PAX2: variants seen among roughly 807,000 people sequenced by gnomAD.
PAX2 encodes paired box protein Pax-2.
In PAX2, 9 loss-of-function variants were observed where a neutral mutation model predicts 41.7. That is an observed-to-expected ratio of 0.22 (90% CI 0.13 to 0.38). The LOEUF (loss-of-function observed/expected upper bound fraction) is 0.38. Ranked by LOEUF, PAX2 falls within the 10% of genes least tolerant of loss-of-function variation. The pLI, the probability that PAX2 is intolerant of heterozygous loss-of-function variation, is 1.00. For synonymous variants in PAX2, 221 were observed against 212.7 expected, an observed-to-expected ratio of 1.04 and a Z score of -0.34; for missense variants, 418 against 531.6, an observed-to-expected ratio of 0.79 and a Z score of 2.10.
At position 100,745,701 on chromosome 10, in the gene PAX2, T is replaced by G; in HGVS notation, c.-560T>G. On this transcript the variant is annotated 5_prime_UTR_variant, in exon 1 of 10. Transcript: ENST00000355243. ...CGGCCGCGGCGGCGTGCGCCTGCCT[T>G]TTCCGGGGGCGGGGGCCTGGCCCGC... The G allele has an allele frequency of 2.1e-6, 2 of 963,096 alleles. No homozygotes were observed. The highest frequency in any genetic ancestry group is 2.5e-6 in the Non-Finnish European group (2 of 799,310). 59.7% of individuals were successfully genotyped at this position (963,096 alleles called of 1,614,324 possible). A position where few individuals can be genotyped will look rare whatever the true frequency, so the allele number is the denominator to read the frequency against.
At position 100,824,687 on chromosome 10, in the gene PAX2, C is replaced by A. The variant is rs747966683; in HGVS notation, c.959C>A (p.Pro320His). Reference protein sequence around the residue: ...MASTTLPGYPPHVPPTGQGSY... With the variant: ...MASTTLPGYPHHVPPTGQGSY... Reference sequence around the variant, plus strand: ...AGCACCACTCTGCCTGGTTACCCCCCTCACGTGCCCCCCACTGGCCAGGGA... The same window carrying A: ...AGCACCACTCTGCCTGGTTACCCCCATCACGTGCCCCCCACTGGCCAGGGA... The change falls in exon 8 of 10, where the codon CCT (proline) becomes CAT (histidine). Residue 320 changes from proline to histidine, a missense_variant. Physicochemically the swap from Pro to His is moderately conservative, Grantham distance 77. Around this residue, in one of 2 missense-constraint regions of PAX2, gnomAD observed 310 missense variants for 325.2 expected, o/e 0.95. Coordinates refer to ENST00000355243, the MANE Select transcript of PAX2 (RefSeq NM_000278.5). This position sits in a 1 kb window ranked among gnomAD's most constrained non-coding sequence, Gnocchi z 6.6. 15 of 1,611,330 alleles carry A rather than the reference C, an allele frequency of 9.3e-6. No individual in the cohort carries two copies. Among genetic ancestry groups the A allele is most frequent in the South Asian group, 2.2e-5 (2 of 91,022 alleles).
At position 100,750,003 on chromosome 10, in the gene PAX2, C is replaced by A; in HGVS notation, c.212+89C>A. The A allele has an allele frequency of 6.8e-7, 1 of 1,464,404 alleles. No homozygotes were observed. Among genetic ancestry groups the A allele is most frequent in the Non-Finnish European group, 9.3e-7 (1 of 1,075,618 alleles). 90.7% of individuals were successfully genotyped at this position (1,464,404 alleles called of 1,614,324 possible). A position where few individuals can be genotyped will look rare whatever the true frequency, so the allele number is the denominator to read the frequency against. On this transcript the variant is annotated intron_variant, in intron 2 of 9. Transcript: ENST00000355243. This position sits in a 1 kb window ranked among gnomAD's most constrained non-coding sequence, Gnocchi z 4.1. ...CAGCTGGAGGACGTGGCTAAAAGTC[C>A]AGCGTGCCAAGCCAGAGAGGGAGAT...
chr10:100,768,663 A>C (rs1016541152), intron 3 of PAX2, among the ~76,000 whole-genome samples: 38 of 152,312 alleles, frequency 2.5e-4, no homozygotes, highest in African/African-American at 8.9e-4. Flanking sequence ...GTTAATAAAT[A>C]AATATATATA....
chr10:100,787,424 TA>T (rs1650271305), intron 5 of PAX2, among the ~76,000 whole-genome samples: 1 of 152,262 alleles, frequency 6.6e-6, no homozygotes, highest in East Asian at 1.9e-4. Flanking sequence ...ATTTTGAAGG[TA>T]ATTTTCTGGA....
At chr10:100,743,379 T>A (rs1845035536), upstream of PAX2, among the ~76,000 whole-genome samples, 1 of 152,126 alleles carries the variant, frequency 6.6e-6, no homozygotes, top group Non-Finnish European at 1.5e-5. Context: ...ACTTGTAACA[T>A]AGGGACATGT....
chr10:100,766,685 C>T (rs1374458271), intron 3 of PAX2, among the ~76,000 whole-genome samples: 1 of 152,148 alleles, frequency 6.6e-6, no homozygotes, highest in African/African-American at 2.4e-5. Context: ...ATTTGTCCTG[C>T]ATCTCTAGAA....
intron 1 of PAX2, among the ~76,000 whole-genome samples, chr10:100,738,396 G>A (rs1844844003): frequency 6.6e-6 from 1 of 152,172 alleles, no homozygotes; most frequent in African/African-American, 2.4e-5. Context: ...GAGGGAGGGG[G>A]AGGTGCTGGA....
chr10:100,749,693 G>A, intron 1 of PAX2, 53 bp from the exon 2 acceptor site: 1 of 1,576,428 alleles, frequency 6.3e-7, no homozygotes, highest in Non-Finnish European at 8.6e-7. Context: ...CCTGACTAAT[G>A]GCCGGTCCCT....
intron 5 of PAX2, among the ~76,000 whole-genome samples, chr10:100,802,758 T>G (rs77564277): frequency 6.6e-6 from 1 of 152,166 alleles, no homozygotes; most frequent in South Asian, 2.1e-4. Context: ...AAAGGGGCTG[T>G]TGGATAGGGG....
chr10:100,772,345 G>T (rs1463775819), intron 3 of PAX2, among the ~76,000 whole-genome samples: 2 of 151,972 alleles, frequency 1.3e-5, no homozygotes, highest in African/African-American at 4.8e-5. Flanking sequence ...GTAGAGATGG[G>T]TTTTCACCAT....
chr10:100,790,210 A>G (rs1847050419), intron 5 of PAX2, among the ~76,000 whole-genome samples: 1 of 152,170 alleles, frequency 6.6e-6, no homozygotes, highest in Admixed American at 6.5e-5. Flanking sequence ...TAGAGAGGTC[A>G]ATTCCACCCT....
upstream of PAX2, among the ~76,000 whole-genome samples, chr10:100,743,497 A>G (rs1465501878): frequency 6.6e-6 from 1 of 152,086 alleles, no homozygotes; most frequent in Non-Finnish European, 1.5e-5. Context: ...TGGATGACCA[A>G]CTTGGAGAGA....
At chr10:100,784,877 C>G (rs190725243) in intron 5 of PAX2, among the ~76,000 whole-genome samples, 1 of 152,284 alleles carries the variant, frequency 6.6e-6, no homozygotes, top group African/African-American at 2.4e-5. Context: ...ATGGAAAACA[C>G]CCCCTGACTT....
At chr10:100,760,963 A>T (rs929708508) in intron 3 of PAX2, among the ~76,000 whole-genome samples, 2 of 152,190 alleles carry the variant, frequency 1.3e-5, no homozygotes, top group Non-Finnish European at 2.9e-5. Context: ...TGGGAGAGCC[A>T]GAGAGAAGGA....
chr10:100,768,806 A>G (rs2133872890), intron 3 of PAX2, among the ~76,000 whole-genome samples: 1 of 152,324 alleles, frequency 6.6e-6, no homozygotes, highest in South Asian at 2.1e-4. Context: ...CCAACCAAAC[A>G]AACAATTTCT....
At chr10:100,739,160 C>A (rs1173412890) in intron 1 of PAX2, among the ~76,000 whole-genome samples, 1 of 152,134 alleles carries the variant, frequency 6.6e-6, no homozygotes, top group Non-Finnish European at 1.5e-5. Context: ...TGGACGTAGG[C>A]GGAGGTGGCA....
At chr10:100,793,532 C>G (rs561140665) in intron 5 of PAX2, among the ~76,000 whole-genome samples, 2 of 152,242 alleles carry the variant, frequency 1.3e-5, no homozygotes, top group South Asian at 2.1e-4. Context: ...TTCTTCTCCA[C>G]AGGTAACCTG....
At chr10:100,772,660 A>G (rs541068632) in intron 3 of PAX2, among the ~76,000 whole-genome samples, 2 of 152,154 alleles carry the variant, frequency 1.3e-5, no homozygotes, top group South Asian at 4.1e-4. Flanking sequence ...TTCTGCAAAG[A>G]CTCTAAAGTG....
chr10:100,759,337 G>GC (rs1311658042), intron 3 of PAX2, among the ~76,000 whole-genome samples: 3 of 152,216 alleles, frequency 2.0e-5, no homozygotes, highest in Non-Finnish European at 4.4e-5. Context: ...CCTGGCTGGA[G>GC]CTATGCAGCC....
Sources: allele counts gnomAD v4.1 joint callset (sites outside exome capture counted in the v4.1 genomes callset), GRCh38; gene constraint gnomAD v4.1.1; regional missense constraint gnomAD v4.1.1; non-coding constraint Gnocchi (gnomAD v3.1); transcripts MANE v1.5; gene names NCBI Gene and HGNC (gene_info 2026-07-23, HGNC 2026-07-21).